Variants in RNF24 observed in about 807,000 individuals in gnomAD.
The protein encoded by RNF24 is ring finger protein 24.
In RNF24, 14 loss-of-function variants were observed where a neutral mutation model predicts 20.0. The ratio of observed to expected loss-of-function variants is 0.70; its 90% CI spans 0.46 to 1.10. The LOEUF is 1.10. Among genes scored for constraint, RNF24 ranks in the 50% least tolerant of loss-of-function variants. The probability of loss-of-function intolerance (pLI) is 0.00; values close to 1 mark genes in which losing one functional copy is unlikely to be tolerated. For missense variants in RNF24, 124 were observed against 177.6 expected (o/e 0.70, Z 1.71); for synonymous variants, 45 against 61.1 (o/e 0.74, Z 1.23).
chr20:4,012,649 G>A (rs1431751522), intron 1 of RNF24, among the ~76,000 whole-genome samples: 2 of 152,010 alleles, frequency 1.3e-5, no homozygotes, highest in Non-Finnish European at 2.9e-5. Flanking sequence ...CTATTTTAAG[G>A]ATCTAAAAGT....
intron 1 of RNF24, among the ~76,000 whole-genome samples, chr20:3,968,903 TC>T (rs1028020832): frequency 6.6e-6 from 1 of 150,888 alleles, no homozygotes; most frequent in African/African-American, 2.4e-5. Flanking sequence ...GTGATAAGTT[TC>T]CAAAAAAAAA....
chr20:3,985,945 G>A (rs992996446), intron 1 of RNF24, among the ~76,000 whole-genome samples: 2 of 151,974 alleles, frequency 1.3e-5, no homozygotes, highest in Non-Finnish European at 2.9e-5. Flanking sequence ...TCCTAGTAGA[G>A]GTCTGGTTTC....
intron 1 of RNF24, among the ~76,000 whole-genome samples, chr20:3,982,663 G>T (rs1168136531): frequency 6.6e-6 from 1 of 151,854 alleles, no homozygotes; most frequent in Non-Finnish European, 1.5e-5. Flanking sequence ...AAGGTGGGAG[G>T]ATCCCTTGAG....
At position 3,934,891 on chromosome 20, in the gene RNF24, A is replaced by G. The variant is rs1239705364; in HGVS notation, c.308+103T>C. On this transcript the variant is annotated intron_variant, in intron 5 of 5. Coordinates refer to ENST00000358395, the MANE Select transcript of RNF24 (RefSeq NM_001134337.3). This position sits in a 1 kb window ranked among gnomAD's most constrained non-coding sequence, Gnocchi z 4.0. ...CAGCTTTCTGCATTACAGACCAATC[A>G]TGAAGCCATCAAGCTTGTCTGGCAC... 6.9e-6 allele frequency: 6 copies of G among 865,428 alleles called. No homozygotes were observed. The Admixed American group carries it at 1.2e-4, about 17-fold the overall frequency. The allele number at this position is 865,428 out of a possible 1,614,324, so 53.6% of individuals were successfully genotyped here. A position where few individuals can be genotyped will look rare whatever the true frequency, so the allele number is the denominator to read the frequency against.
chr20:4,007,162 G>A (rs1027464486), intron 1 of RNF24, among the ~76,000 whole-genome samples: 1 of 152,136 alleles, frequency 6.6e-6, no homozygotes, highest in Admixed American at 6.5e-5. Flanking sequence ...TGTATATTTT[G>A]TATTTTAAAA....
Position 3,931,436 on chromosome 20 carries a change from C to T in RNF24, c.*2627G>A, listed in dbSNP as rs961285981. 1 of 152,146 alleles carries T rather than the reference C, an allele frequency of 6.6e-6. No homozygotes were observed. The highest frequency in any genetic ancestry group is 1.5e-5 in the Non-Finnish European group (1 of 68,036). 9.4% of individuals were successfully genotyped at this position (152,146 alleles called of 1,614,324 possible). A position where few individuals can be genotyped will look rare whatever the true frequency, so the allele number is the denominator to read the frequency against. On this transcript the variant is annotated 3_prime_UTR_variant, in exon 6 of 6. Transcript: ENST00000358395. Reference sequence around the variant, plus strand: ...AAGGACTGTCTTTCAAACAAAAACCCTGCGATTTTAATGAGAATTAAAGGA... The same window carrying T: ...AAGGACTGTCTTTCAAACAAAAACCTTGCGATTTTAATGAGAATTAAAGGA...
In RNF24 at chr20:3,947,119, G is replaced by A. The variant is rs143887786; in HGVS notation, c.186+1118C>T. 7.5e-3 allele frequency among the ~76,000 whole-genome samples: 1,147 copies of A among 152,194 alleles called. 25 individuals carry two copies. Among genetic ancestry groups the A allele is most frequent in the African/African-American group, 0.026 (1,080 of 41,518 alleles). On this transcript the variant is annotated intron_variant, in intron 3 of 5. Transcript: ENST00000358395. ...CTGAGGCAGGAGATCACTTGAACCC[G>A]GGAGGCGGAGGTTGCATTGAGCTGA...
Position 3,982,814 on chromosome 20 carries a change from G to A in RNF24, c.-7-18790C>T, listed in dbSNP as rs541940375. ...TGAGGTGGAAGGACTGCTTAGGCCC[G>A]GGAAGTCAAGGCTGCAATGAGCTGT... On this transcript the variant is annotated intron_variant, in intron 1 of 5. Transcript: ENST00000358395. Among the ~76,000 whole-genome samples, 21 of 152,130 alleles carry A rather than the reference G, an allele frequency of 1.4e-4. 1 individual carries two copies. The South Asian group carries it at 2.7e-3, about 20-fold the overall frequency.
At chr20:3,991,940 G>GCACA (rs113511343) in intron 1 of RNF24, among the ~76,000 whole-genome samples, 46 of 147,998 alleles carry the variant, frequency 3.1e-4, no homozygotes, top group African/African-American at 8.4e-4. Flanking sequence ...ACACACACAC[G>GCACA]CACACACACA....
At chr20:3,949,120 C>T (rs2091052748) in intron 2 of RNF24, among the ~76,000 whole-genome samples, 1 of 152,260 alleles carries the variant, frequency 6.6e-6, no homozygotes, top group Non-Finnish European at 1.5e-5. Context: ...TGGCTCACGC[C>T]TGTAATCCTA....
chr20:3,952,417 C>T (rs1171808008), intron 2 of RNF24, among the ~76,000 whole-genome samples: 1 of 151,960 alleles, frequency 6.6e-6, no homozygotes, highest in Non-Finnish European at 1.5e-5. Context: ...TATATTGATC[C>T]TGTATCTGGT....
intron 2 of RNF24, among the ~76,000 whole-genome samples, chr20:3,953,467 C>CTT (rs58150160): frequency 1.6e-5 from 2 of 128,402 alleles, no homozygotes; most frequent in Non-Finnish European, 3.4e-5. Context: ...CACATTCTCT[C>CTT]TTTTTTTTTT....
At position 3,969,773 on chromosome 20, in the gene RNF24, G is replaced by GTTT. The variant is rs34975215; in HGVS notation, c.-7-5752_-7-5750dup. On this transcript the variant is annotated intron_variant, in intron 1 of 5. Coordinates refer to ENST00000358395, the MANE Select transcript of RNF24 (RefSeq NM_001134337.3). ...AAGGCCAAGTAGGAAGCTGAAATCTGTTTTTTTTTTTTTTTTGAGATGGCG... is the reference window on the plus strand; with the variant it reads ...AAGGCCAAGTAGGAAGCTGAAATCTGTTTTTTTTTTTTTTTTTTTGAGATGGCG... 2.3e-4 allele frequency among the ~76,000 whole-genome samples: 32 copies of GTTT among 136,240 alleles called. 2 individuals carry two copies. The highest frequency in any genetic ancestry group is 4.7e-4 in the African/African-American group (17 of 36,552). The allele number at this position is 136,240 out of a possible 152,430, so 89.4% of individuals were successfully genotyped here.
rs1171890508 is a variant in RNF24 at position 3,931,626 on chromosome 20, A to C, written c.*2437T>G. The C allele has an allele frequency of 2.6e-5, 4 of 152,204 alleles. No individual in the cohort carries two copies. Among genetic ancestry groups the C allele is most frequent in the African/African-American group, 9.6e-5 (4 of 41,470 alleles). The allele number at this position is 152,204 out of a possible 1,614,324, so 9.4% of individuals were successfully genotyped here. ...CTTGCTGCAGGAGGATGTCACGCTGAGAAAGGGAGATGACTAGGAGCAGAA... is the reference window on the plus strand; with the variant it reads ...CTTGCTGCAGGAGGATGTCACGCTGCGAAAGGGAGATGACTAGGAGCAGAA... On this transcript the variant is annotated 3_prime_UTR_variant, in exon 6 of 6. Transcript: ENST00000358395.
chr20:4,005,468 G>C (rs1333744322), intron 1 of RNF24, among the ~76,000 whole-genome samples: 1 of 152,124 alleles, frequency 6.6e-6, no homozygotes, highest in Non-Finnish European at 1.5e-5. Flanking sequence ...ACACATTTCT[G>C]AAGAAGTTTT....
chr20:3,983,074 G>A (rs959303119), intron 1 of RNF24, among the ~76,000 whole-genome samples: 1 of 152,106 alleles, frequency 6.6e-6, no homozygotes, highest in African/African-American at 2.4e-5. Context: ...ATGTTATGAT[G>A]CAGCAGGTAC....
At chr20:3,936,664 T>C (rs1217493708) in intron 4 of RNF24, among the ~76,000 whole-genome samples, 1 of 152,200 alleles carries the variant, frequency 6.6e-6, no homozygotes, top group Non-Finnish European at 1.5e-5. Context: ...TGATTGGCCC[T>C]CTGGCCTTCA....
At chr20:3,989,257 C>T (rs1476934928) in intron 1 of RNF24, among the ~76,000 whole-genome samples, 1 of 151,962 alleles carries the variant, frequency 6.6e-6, no homozygotes, top group Non-Finnish European at 1.5e-5. Context: ...TTTAGGAGGC[C>T]GAGGCAGGCG....
intron 1 of RNF24, among the ~76,000 whole-genome samples, chr20:4,010,126 G>C (rs1982330732): frequency 6.6e-6 from 1 of 152,062 alleles, no homozygotes; most frequent in Non-Finnish European, 1.5e-5. Context: ...TGCAATCCCA[G>C]CACTTTGGGA....
Sources: allele counts gnomAD v4.1 joint callset (sites outside exome capture counted in the v4.1 genomes callset), GRCh38; gene constraint gnomAD v4.1.1; non-coding constraint Gnocchi (gnomAD v3.1); transcripts MANE v1.5; gene names NCBI Gene and HGNC (gene_info 2026-07-23, HGNC 2026-07-21).